ENO4: variants seen among roughly 807,000 people sequenced by gnomAD.
The protein encoded by ENO4 is 2-phospho-D-glycerate hydro-lyase.
ENO4 carries 53 observed loss-of-function variants against 63.2 expected under a neutral mutation model. The ratio of observed to expected loss-of-function variants is 0.84; its 90% confidence interval spans 0.67 to 1.05. The LOEUF is 1.05. ENO4 is among the 50% of genes least tolerant of loss of function. The pLI is 0.00. For synonymous variants in ENO4, 266 were observed against 283.8 expected (o/e 0.94, Z 0.63); for missense variants, 719 against 772.0 (o/e 0.93, Z 0.81).
chr10:116,886,649 A>G (rs375549420), downstream of ENO4: 8 of 1,562,794 alleles, frequency 5.1e-6, no homozygotes, highest in Middle Eastern at 1.7e-4. Flanking sequence ...TCAGACTAAC[A>G]TAAAACCCAA....
At chr10:116,854,122 T>C (rs1846177753) in intron 1 of ENO4, among the ~76,000 whole-genome samples, 2 of 152,172 alleles carry the variant, frequency 1.3e-5, no homozygotes, top group African/African-American at 4.8e-5. Flanking sequence ...GCTTCTGCTT[T>C]TCCACCTCAA....
chr10:116,900,395 C>G, intron 10 of ENO4: 1 of 713,322 alleles, frequency 1.4e-6, no homozygotes, highest in Non-Finnish European at 2.4e-6. Flanking sequence ...GGATCCTTTT[C>G]ACTGTCAATT....
At chr10:116,905,281 C>G (rs1385097603) in intron 10 of ENO4, among the ~76,000 whole-genome samples, 4 of 151,162 alleles carry the variant, frequency 2.6e-5, no homozygotes, top group African/African-American at 9.7e-5. Context: ...AAGGATGACT[C>G]AAGCACTGAT....
downstream of ENO4, chr10:116,886,583 T>TA (rs755501920): frequency 3.7e-6 from 6 of 1,610,768 alleles, no homozygotes; most frequent in South Asian, 2.2e-5. Context: ...GATGAAGAGT[T>TA]AGACAAAAAA....
At chr10:116,885,095 C>T (rs1235514750), downstream of ENO4, 2 of 152,642 alleles carry the variant, frequency 1.3e-5, no homozygotes, top group East Asian at 3.8e-4. Flanking sequence ...CCCACCTCTT[C>T]AAGCCTATGC....
Position 116,861,086 on chromosome 10 carries a change from T to C in ENO4, c.832T>C (p.Leu278=). Residue 278 remains leucine (L), a synonymous_variant, in exon 6 of 14, where the codon TTG becomes CTG. Transcript: ENST00000341276. ...QEQPTTLSMP[L]LMVSLVSCGK... ...ACAGCCAACAACGCTATCTATGCCT[T>C]TGCTGATGGTATCGCTGGTCAGCTG... 6.5e-7 allele frequency: 1 copy of C among 1,549,072 alleles called. No individual in the cohort carries two copies. The highest frequency in any genetic ancestry group is 8.7e-7 in the Non-Finnish European group (1 of 1,146,488).
intron 11 of ENO4, among the ~76,000 whole-genome samples, chr10:116,878,519 A>G (rs575894874): frequency 6.6e-6 from 1 of 152,190 alleles, no homozygotes; most frequent in South Asian, 2.1e-4. Context: ...TTTGAATAAA[A>G]TTCTACACAA....
At chr10:116,856,312 A>G (rs754283127) in intron 2 of ENO4, among the ~76,000 whole-genome samples, 180 bp from the exon 3 acceptor site, 1 of 152,240 alleles carries the variant, frequency 6.6e-6, no homozygotes, top group Non-Finnish European at 1.5e-5. Context: ...TAAGTGTTCT[A>G]TGAAGCTGAG....
intron 10 of ENO4, among the ~76,000 whole-genome samples, chr10:116,909,084 C>G (rs1421658564): frequency 6.6e-6 from 1 of 152,174 alleles, no homozygotes; most frequent in East Asian, 1.9e-4. Context: ...AACTTAGAAA[C>G]TGTGGTACAT....
chr10:116,897,985 A>T (rs185479873), intron 10 of ENO4, among the ~76,000 whole-genome samples: 32 of 152,246 alleles, frequency 2.1e-4, no homozygotes, highest in Non-Finnish European at 2.9e-4. Context: ...TAATTATTCT[A>T]TTGCCAGGTA....
chr10:116,855,504 G>A (rs1420481753), intron 1 of ENO4, 119 bp from the exon 2 acceptor site: 2 of 1,289,864 alleles, frequency 1.6e-6, no homozygotes, highest in South Asian at 1.3e-5. Flanking sequence ...GAGAGGTTTG[G>A]TAGAAACTAG....
Position 116,874,139 on chromosome 10 carries a change from T to C in ENO4, c.1279T>C (p.Tyr427His), listed in dbSNP as rs1846769942. The C allele has an allele frequency of 2.6e-6, 4 of 1,549,750 alleles. 1 individual carries two copies. In the South Asian group the frequency reaches 4.8e-5, roughly 18 times the overall value. ...AAATGCAGCGGAGATGGTTGACCTG[T>C]ATGTGGATCTGATCAACAAGTACCC... ...YKNAAEMVDLYVDLINKYPSI... is the reference protein window; with the variant it reads ...YKNAAEMVDLHVDLINKYPSI... Residue 427 changes from tyrosine to histidine, a missense_variant, in exon 10 of 14, where the codon TAT (tyrosine) becomes CAT (histidine). Around this residue, in one of 3 missense-constraint regions of ENO4, gnomAD observed 544 missense variants for 583.6 expected, o/e 0.93. Coordinates refer to ENST00000341276, the MANE Select transcript of ENO4 (RefSeq NM_001242699.2).
intron 10 of ENO4, among the ~76,000 whole-genome samples, chr10:116,890,663 G>T (rs1269638883): frequency 3.3e-5 from 5 of 152,234 alleles, no homozygotes; most frequent in Non-Finnish European, 5.9e-5. Flanking sequence ...GAAGCCTGGT[G>T]CCCAAGTAAA....
At chr10:116,861,336 G>T in intron 6 of ENO4, 146 bp downstream of exon 6, 1 of 244,232 alleles carries the variant, frequency 4.1e-6, no homozygotes. Flanking sequence ...AGAGAAGTGG[G>T]AAGAAAGACC....
chr10:116,859,672 G>A (rs989309454), intron 4 of ENO4, among the ~76,000 whole-genome samples: 1 of 152,182 alleles, frequency 6.6e-6, no homozygotes. Flanking sequence ...TTCTGGAGCT[G>A]CTCTTGGTAT....
intron 10 of ENO4, among the ~76,000 whole-genome samples, chr10:116,890,731 G>T (rs1160939033): frequency 6.6e-6 from 1 of 152,254 alleles, no homozygotes; most frequent in Non-Finnish European, 1.5e-5. Context: ...GAGCCCAAAC[G>T]TGGGGCCTGA....
chr10:116,909,989 A>T (rs1467042246), intron 10 of ENO4, among the ~76,000 whole-genome samples: 1 of 152,092 alleles, frequency 6.6e-6, no homozygotes, highest in Non-Finnish European at 1.5e-5. Flanking sequence ...TGAGGTTGGG[A>T]CCATGTGCTT....
chr10:116,893,153 A>G (rs1401145352), intron 10 of ENO4, among the ~76,000 whole-genome samples: 1 of 152,210 alleles, frequency 6.6e-6, no homozygotes, highest in Admixed American at 6.5e-5. Flanking sequence ...CTGTTTGCAC[A>G]GCAACTCAGA....
intron 2 of ENO4, 136 bp downstream of exon 2, chr10:116,855,887 C>A: frequency 9.8e-7 from 1 of 1,016,028 alleles, no homozygotes; most frequent in Non-Finnish European, 1.4e-6. Context: ...GTCATGTAAG[C>A]ATGAATCATA....
Sources: allele counts gnomAD v4.1 joint callset (sites outside exome capture counted in the v4.1 genomes callset), GRCh38; gene constraint gnomAD v4.1.1; regional missense constraint gnomAD v4.1.1; transcripts MANE v1.5; gene names NCBI Gene and HGNC (gene_info 2026-07-23, HGNC 2026-07-21).